Variants in ZNF208 observed in about 807,000 individuals in gnomAD.
ZNF208 encodes the protein zinc finger protein 208.
A neutral mutation model predicts 12.1 loss-of-function variants in ZNF208; 10 were observed. The observed-to-expected ratio is 0.83, with a 90% CI of 0.51 to 1.40. The LOEUF (loss-of-function observed/expected upper bound fraction) is 1.40. Ranked by LOEUF, ZNF208 falls within the 40% of genes most tolerant of loss-of-function variation. ZNF208 has a pLI of 0.00. For synonymous variants in ZNF208, 497 were observed against 488.4 expected, an observed-to-expected ratio of 1.02 and a Z score of -0.23; for missense variants, 1,652 against 1,485.0, an observed-to-expected ratio of 1.11 and a Z score of -1.85.
intron 1 of ZNF208, among the ~76,000 whole-genome samples, chr19:22,004,287 C>A (rs780926873): frequency 6.6e-6 from 1 of 151,996 alleles, no homozygotes; most frequent in Non-Finnish European, 1.5e-5. Context: ...GAGGCCAAGG[C>A]GGCAGATCAC....
chr19:21,963,459 C>A (rs1202557273), downstream of ZNF208, among the ~76,000 whole-genome samples: 3 of 151,980 alleles, frequency 2.0e-5, no homozygotes, highest in African/African-American at 4.8e-5. Flanking sequence ...AGTAATTACT[C>A]TGAACATAGA....
Position 21,974,304 on chromosome 19 carries a change from G to C in ZNF208, c.730C>G (p.Leu244Val). ...GTATGAATTACCTTATGTTTAGTAA[G>C]GATTGAGAACTTACTAAAGGCTTTG... ...CGKAFSKFSILTKHKVIHTGE... is the reference protein window; with the variant it reads ...CGKAFSKFSIVTKHKVIHTGE... The change falls in exon 4 of 4, where the codon CTT becomes GTT. Residue 244 changes from leucine (L) to valine (V), a missense_variant. By Grantham distance (32) the Leu-to-Val change is conservative (BLOSUM62 1). Around this residue, in one of 3 missense-constraint regions of ZNF208, gnomAD observed 410 missense variants for 378.2 expected, o/e 1.08. Transcript: ENST00000397126. 1 of 1,613,564 alleles carries C rather than the reference G, an allele frequency of 6.2e-7. No homozygotes were observed. Among genetic ancestry groups the C allele is most frequent in the East Asian group, 2.2e-5 (1 of 44,838 alleles).
intron 3 of ZNF208, among the ~76,000 whole-genome samples, chr19:21,983,167 GA>G (rs142980740): frequency 6.7e-6 from 1 of 150,186 alleles, no homozygotes; most frequent in Non-Finnish European, 1.5e-5. Context: ...AAATTTACAA[GA>G]AAAAAAAACC....
intron 4 of ZNF208, among the ~76,000 whole-genome samples, chr19:21,944,659 A>G (rs569634105): frequency 3.9e-5 from 6 of 152,302 alleles, no homozygotes; most frequent in East Asian, 1.9e-4. Context: ...TGAAGCTCCA[A>G]TGATGTAAAG....
intron 1 of ZNF208, chr19:21,998,433 G>A: frequency 6.5e-6 from 1 of 152,834 alleles, no homozygotes; most frequent in Non-Finnish European, 1.5e-5. Context: ...TGGGATTACA[G>A]GCGTGAGCTG....
rs750644238 is a variant in ZNF208, at chr19:21,968,928, C to T, written c.*2263G>A. On this transcript the variant is annotated 3_prime_UTR_variant, in exon 4 of 4. Coordinates refer to ENST00000397126, the MANE Select transcript of ZNF208 (RefSeq NM_007153.3). Reference sequence around the variant, plus strand: ...GGCCAGGCACTGTGGCTCATGCCTGCAATCCCAGGACTTTGGGTGGCCAAG... The same window carrying T: ...GGCCAGGCACTGTGGCTCATGCCTGTAATCCCAGGACTTTGGGTGGCCAAG... 4.6e-5 allele frequency among the ~76,000 whole-genome samples: 7 copies of T among 152,090 alleles called. No individual in the cohort carries two copies. The highest frequency in any genetic ancestry group is 7.4e-5 in the Non-Finnish European group (5 of 68,004).
chr19:21,997,245 C>A (rs745955225), intron 1 of ZNF208, among the ~76,000 whole-genome samples: 2 of 152,208 alleles, frequency 1.3e-5, no homozygotes, highest in Admixed American at 1.3e-4. Flanking sequence ...GAATTTACAG[C>A]ACCATGTCAT....
chr19:21,950,702 C>T (rs1969876009), intron 4 of ZNF208, among the ~76,000 whole-genome samples: 1 of 151,946 alleles, frequency 6.6e-6, no homozygotes. Flanking sequence ...ACCATGTTGG[C>T]CAGGCTGGTC....
intron 4 of ZNF208, among the ~76,000 whole-genome samples, chr19:21,948,236 T>C (rs1190433055): frequency 6.6e-6 from 1 of 152,194 alleles, no homozygotes; most frequent in Non-Finnish European, 1.5e-5. Flanking sequence ...AAATGGCTTA[T>C]ATTCTGTCGC....
chr19:21,948,119 CT>C (rs1173708547), intron 4 of ZNF208, among the ~76,000 whole-genome samples: 1 of 152,134 alleles, frequency 6.6e-6, no homozygotes, highest in Non-Finnish European at 1.5e-5. Flanking sequence ...TGAGGAAAGC[CT>C]TGTCTCCCCT....
chr19:21,976,393 T>C (rs550776392), intron 3 of ZNF208, among the ~76,000 whole-genome samples: 1 of 152,136 alleles, frequency 6.6e-6, no homozygotes, highest in Admixed American at 6.5e-5. Context: ...AGTGAAAGCA[T>C]ATCCATACAA....
At chr19:21,982,923 CTAGACAA>C in intron 3 of ZNF208, among the ~76,000 whole-genome samples, 1 of 152,052 alleles carries the variant, frequency 6.6e-6, no homozygotes, top group East Asian at 1.9e-4. Flanking sequence ...AGAAGAAAAC[CTAGACAA>C]TACTATTCAG....
At chr19:21,941,183 G>A (rs1369346375) in intron 4 of ZNF208, 10 of 395,664 alleles carry the variant, frequency 2.5e-5, no homozygotes, top group Non-Finnish European at 4.0e-5. Context: ...AGCGGCTGAG[G>A]GTGAAGCTGC....
intron 1 of ZNF208, among the ~76,000 whole-genome samples, chr19:22,001,178 G>A (rs1325488170): frequency 1.3e-5 from 2 of 152,068 alleles, no homozygotes; most frequent in African/African-American, 4.8e-5. Flanking sequence ...TCAGCTACTC[G>A]GGAGGCTGAG....
Position 21,973,971 on chromosome 19 carries a change from T to C in ZNF208, c.1063A>G (p.Ile355Val), listed in dbSNP as rs756187137. The C allele has an allele frequency of 4.3e-6, 7 of 1,613,286 alleles. No individual in the cohort carries two copies. Among genetic ancestry groups the C allele is most frequent in the Non-Finnish European group, 5.9e-6 (7 of 1,179,838 alleles). ...ECGKAFSKFS[I>V]LTKHKVIHTG... The stretch of plus-strand genomic sequence containing the variant: ...TGAATTACCTTATGTTTAGTAAGGA[T>C]TGAGAACTTACTAAAGGCTTTGCCA... The change falls in exon 4 of 4, where the codon ATC (isoleucine) becomes GTC (valine). Residue 355 changes from isoleucine to valine, a missense_variant. Ile to Val is a conservative substitution (Grantham distance 29, BLOSUM62 3). Transcript: ENST00000397126.
At chr19:22,000,274 T>TG (rs1970921369) in intron 1 of ZNF208, among the ~76,000 whole-genome samples, 1 of 152,226 alleles carries the variant, frequency 6.6e-6, no homozygotes, top group Non-Finnish European at 1.5e-5. Flanking sequence ...CATCACCATG[T>TG]GGCACATACT....
In ZNF208 at chr19:21,971,952, G is replaced by C. The variant is rs375425038; in HGVS notation, c.3082C>G (p.Pro1028Ala). The C allele has an allele frequency of 1.6e-5, 26 of 1,576,122 alleles. No homozygotes were observed. The highest frequency in any genetic ancestry group is 2.2e-5 in the Non-Finnish European group (26 of 1,156,478). ...EHKKIHTGETPYKCEECDKAF... is the reference protein window; with the variant it reads ...EHKKIHTGETAYKCEECDKAF... ...TTGTCACATTCTTCACATTTGTAGGGTGTCTCTCCAGTGTGAATTTTCTTA... is the reference window on the plus strand; with the variant it reads ...TTGTCACATTCTTCACATTTGTAGGCTGTCTCTCCAGTGTGAATTTTCTTA... The change falls in exon 4 of 4, where the codon CCC becomes GCC. Residue 1028 changes from proline to alanine, a missense_variant. By Grantham distance (27) the Pro-to-Ala change is conservative (BLOSUM62 -1). Around this residue, in one of 3 missense-constraint regions of ZNF208, gnomAD observed 1,239 missense variants for 1,086.2 expected, o/e 1.14. Transcript: ENST00000397126.
intron 4 of ZNF208, among the ~76,000 whole-genome samples, chr19:21,950,442 T>C (rs1969871998): frequency 6.6e-6 from 1 of 151,990 alleles, no homozygotes; most frequent in African/African-American, 2.4e-5. Flanking sequence ...CTCTTTCTTC[T>C]AGCTATGCTT....
chr19:21,960,873 C>T (rs893363656), intron 4 of ZNF208, among the ~76,000 whole-genome samples: 11 of 152,140 alleles, frequency 7.2e-5, no homozygotes, highest in Non-Finnish European at 1.6e-4. Context: ...TCTCTATGGA[C>T]AGTTTTAAAC....
Sources: gnomAD v4.1 joint callset for allele counts (sites outside exome capture counted in the v4.1 genomes callset) on GRCh38, gnomAD v4.1.1 for gene constraint, gnomAD v4.1.1 regional missense constraint, MANE v1.5 for transcripts, NCBI Gene and HGNC (gene_info 2026-07-23, HGNC 2026-07-21) for gene names.